FAM135B: variants seen among roughly 807,000 people sequenced by gnomAD.
FAM135B encodes family with sequence similarity 135 member B.
Under a neutral mutation model 127.7 loss-of-function variants are expected in FAM135B, and 43 were observed. That is an observed-to-expected ratio of 0.34 (90% confidence interval 0.26 to 0.43). The LOEUF is 0.43. Among genes scored for constraint, FAM135B ranks in the 20% least tolerant of loss-of-function variants. FAM135B has a pLI of 1.00. For synonymous variants in FAM135B, 670 were observed against 665.1 expected, an observed-to-expected ratio of 1.01 and a Z score of -0.11; for missense variants, 1,558 against 1,725.6, an observed-to-expected ratio of 0.90 and a Z score of 1.72.
At chr8:138,231,594 A>G (rs1425776622) in intron 7 of FAM135B, among the ~76,000 whole-genome samples, 1 of 152,228 alleles carries the variant, frequency 6.6e-6, no homozygotes, top group Non-Finnish European at 1.5e-5. Context: ...ACTTACCAGG[A>G]ATATGAAAGG....
intron 13 of FAM135B, 103 bp from the exon 14 acceptor site, chr8:138,148,789 G>A: frequency 1.3e-6 from 1 of 757,536 alleles, no homozygotes; most frequent in South Asian, 2.0e-5. Context: ...CACAAGCAAA[G>A]TGCCTGCTGA....
chr8:138,381,286 T>A (rs1219917794), intron 1 of FAM135B, among the ~76,000 whole-genome samples: 1 of 152,156 alleles, frequency 6.6e-6, no homozygotes, highest in Non-Finnish European at 1.5e-5. Context: ...TAAATATGGT[T>A]TTATTATACC....
intron 2 of FAM135B, among the ~76,000 whole-genome samples, chr8:138,367,129 G>A (rs543235329): frequency 3.0e-4 from 45 of 152,286 alleles, no homozygotes; most frequent in South Asian, 1.2e-3. Flanking sequence ...AGAAAAGTTC[G>A]TTATGCAACA....
At chr8:138,331,146 T>C (rs1828147503) in intron 2 of FAM135B, among the ~76,000 whole-genome samples, 1 of 152,146 alleles carries the variant, frequency 6.6e-6, no homozygotes, top group Non-Finnish European at 1.5e-5. Flanking sequence ...ATGCCACATA[T>C]GGTAGGTGCT....
chr8:138,183,308 C>T (rs1300420975), intron 9 of FAM135B, among the ~76,000 whole-genome samples: 1 of 152,130 alleles, frequency 6.6e-6, no homozygotes. Flanking sequence ...GAAGGTGGAG[C>T]AACATGCCCA....
At chr8:138,400,245 G>A (rs577747891) in intron 1 of FAM135B, among the ~76,000 whole-genome samples, 2 of 152,082 alleles carry the variant, frequency 1.3e-5, no homozygotes, top group African/African-American at 4.8e-5. Context: ...TGCTTGGAGG[G>A]GGCAGGAGAA....
intron 7 of FAM135B, among the ~76,000 whole-genome samples, chr8:138,205,138 C>T (rs1234024816): frequency 6.6e-6 from 1 of 152,174 alleles, no homozygotes; most frequent in Non-Finnish European, 1.5e-5. Context: ...TTATTTGACT[C>T]TTAAATGTCA....
At chr8:138,172,419 C>A (rs1820545901) in intron 11 of FAM135B, among the ~76,000 whole-genome samples, 1 of 152,242 alleles carries the variant, frequency 6.6e-6, no homozygotes, top group Admixed American at 6.5e-5. Flanking sequence ...TCCTCCTGGG[C>A]TGCTTCCCAC....
intron 3 of FAM135B, among the ~76,000 whole-genome samples, chr8:138,271,739 T>C (rs1823392407): frequency 6.6e-6 from 1 of 152,192 alleles, no homozygotes; most frequent in Non-Finnish European, 1.5e-5. Flanking sequence ...TCATAGATGT[T>C]ATTTATTAAT....
At position 138,152,872 on chromosome 8, in the gene FAM135B, C is replaced by A. The variant is rs754965385; in HGVS notation, c.1603G>T (p.Asp535Tyr). Residue 535 changes from aspartate to tyrosine, a missense_variant, in exon 13 of 20, where the codon GAT becomes TAT. Asp to Tyr is a radical substitution (Grantham distance 160). This residue lies in a region of FAM135B where 923 missense variants were observed against 865.3 expected (regional missense o/e 1.07). Coordinates refer to ENST00000395297, the MANE Select transcript of FAM135B (RefSeq NM_015912.4). ...DAGTYPVADV[D>Y]TSRRSPGPED... ...GGACCTGGACTCCTTCTAGAAGTATCCACATCTGCCACTGGATATGTCCCA... is the reference window on the plus strand; with the variant it reads ...GGACCTGGACTCCTTCTAGAAGTATACACATCTGCCACTGGATATGTCCCA... 1 of 1,614,194 alleles carries A rather than the reference C, an allele frequency of 6.2e-7. No homozygotes were observed. Among genetic ancestry groups the A allele is most frequent in the Admixed American group, 1.7e-5 (1 of 60,024 alleles).
chr8:138,337,242 T>C (rs1484219457), intron 2 of FAM135B, among the ~76,000 whole-genome samples: 2 of 151,306 alleles, frequency 1.3e-5, no homozygotes, highest in Non-Finnish European at 3.0e-5. Flanking sequence ...AACATAGTGT[T>C]GGAAGTTCTG....
chr8:138,276,382 C>T (rs1823824765), intron 3 of FAM135B, among the ~76,000 whole-genome samples: 1 of 152,148 alleles, frequency 6.6e-6, no homozygotes, highest in Non-Finnish European at 1.5e-5. Flanking sequence ...GCTAGTCCAC[C>T]GTGGCCTTGG....
chr8:138,487,245 A>G lies in FAM135B; in HGVS notation c.-20+9426T>C, dbSNP rs138052067. ...CACTTTGTGAAGTCCATGCAGGGAC[A>G]TCTGCAGGCTCCAAAGCAGCCCCAT... On this transcript the variant is annotated intron_variant, in intron 1 of 19. Coordinates refer to ENST00000395297, the MANE Select transcript of FAM135B (RefSeq NM_015912.4). Among the ~76,000 whole-genome samples the G allele has an allele frequency of 2.7e-3, 408 of 152,302 alleles. 2 individuals carry two copies. The highest frequency in any genetic ancestry group is 9.5e-3 in the African/African-American group (394 of 41,564).
chr8:138,166,880 G>A (rs1421117773), intron 12 of FAM135B, among the ~76,000 whole-genome samples: 10 of 152,040 alleles, frequency 6.6e-5, no homozygotes. Context: ...TCAGGAATAT[G>A]GTAGCTCGCT....
intron 1 of FAM135B, among the ~76,000 whole-genome samples, chr8:138,482,069 A>T (rs113219621): frequency 0.029 from 4,392 of 152,270 alleles, 172 homozygotes; most frequent in East Asian, 0.13. Flanking sequence ...AGGAGTCCAT[A>T]CCACATCATG....
chr8:138,218,139 G>C (rs1260091214), intron 7 of FAM135B, among the ~76,000 whole-genome samples: 1 of 152,010 alleles, frequency 6.6e-6, no homozygotes, highest in African/African-American at 2.4e-5. Flanking sequence ...GAGACTTTAG[G>C]GGAAAATAAA....
At chr8:138,301,852 C>T (rs894963029) in intron 3 of FAM135B, among the ~76,000 whole-genome samples, 1 of 152,206 alleles carries the variant, frequency 6.6e-6, no homozygotes, top group Non-Finnish European at 1.5e-5. Context: ...TGAACCCCTG[C>T]TTGAAACCTT....
Position 138,374,148 on chromosome 8 carries a change from G to A in FAM135B, c.-19-6146C>T, listed in dbSNP as rs565426469. ...CCTATTGACATGTGATGTCTCCCTC[G>A]GACGCCCAGCTTTAAAATTTCTCTC... On this transcript the variant is annotated intron_variant, in intron 1 of 19. Transcript: ENST00000395297. Among the ~76,000 whole-genome samples the A allele has an allele frequency of 5.3e-5, 8 of 152,080 alleles. No individual in the cohort carries two copies. In the South Asian group the frequency reaches 1.7e-3, roughly 32 times the overall value.
In FAM135B at chr8:138,389,356, A is replaced by G. The variant is rs118006728; in HGVS notation, c.-19-21354T>C. Among the ~76,000 whole-genome samples, 58 of 152,374 alleles carry G rather than the reference A, an allele frequency of 3.8e-4. 1 individual carries two copies. The East Asian group carries it at 0.011, about 29-fold the overall frequency. On this transcript the variant is annotated intron_variant, in intron 1 of 19. Coordinates refer to ENST00000395297, the MANE Select transcript of FAM135B (RefSeq NM_015912.4). The stretch of plus-strand genomic sequence containing the variant: ...TTGTTAAAACAAAAACTTTTACACA[A>G]ATAATTGTTCGTAGCAGCATTATTC...
Sources: allele counts gnomAD v4.1 joint callset (sites outside exome capture counted in the v4.1 genomes callset), GRCh38; gene constraint gnomAD v4.1.1; regional missense constraint gnomAD v4.1.1; transcripts MANE v1.5; gene names NCBI Gene and HGNC (gene_info 2026-07-23, HGNC 2026-07-21).